Variants in PCYT1B observed in about 807,000 individuals in gnomAD.
The protein encoded by PCYT1B is phosphate cytidylyltransferase 1B, choline, also known as choline-phosphate cytidylyltransferase B.
In PCYT1B, 10 loss-of-function variants were observed where a neutral mutation model predicts 26.4. The observed-to-expected ratio is 0.38, with a 90% confidence interval of 0.23 to 0.64. PCYT1B has a LOEUF of 0.64. PCYT1B is among the 30% of genes least tolerant of loss of function. The pLI, the probability that PCYT1B is intolerant of heterozygous loss-of-function variation, is 0.56. For synonymous variants in PCYT1B, 131 were observed against 108.4 expected (o/e 1.21, Z -1.29); for missense variants, 161 against 292.7 (o/e 0.55, Z 3.28).
At chrX:24,638,650 TC>T (rs1229426991) in intron 1 of PCYT1B, among the ~76,000 whole-genome samples, 1 of 111,547 alleles carries the variant, frequency 9.0e-6, no homozygotes, top group Non-Finnish European at 1.9e-5. Flanking sequence ...TGCATTTATT[TC>T]CCTAACAGTC....
Position 24,563,512 on chromosome X carries a change from G to A in PCYT1B, c.898-1007C>T, listed in dbSNP as rs375807714. 4.6e-4 allele frequency among the ~76,000 whole-genome samples: 51 copies of A among 111,848 alleles called. No individual in the cohort carries two copies. The South Asian group carries it at 0.018, about 40-fold the overall frequency. On this transcript the variant is annotated intron_variant, in intron 7 of 7. Transcript: ENST00000379144. ...TAGATGGGGAGGAGCTGAGGGAGGCGGTTGGGAAGAGGTTGCCAGAGAAGG... is the reference window on the plus strand; with the variant it reads ...TAGATGGGGAGGAGCTGAGGGAGGCAGTTGGGAAGAGGTTGCCAGAGAAGG...
rs1923248430 is a variant in PCYT1B, at chrX:24,558,543, A to G, written c.*3750T>C. 1 of 108,269 alleles carries G rather than the reference A, an allele frequency of 9.2e-6. No homozygotes were observed. The highest frequency in any genetic ancestry group is 3.4e-5 in the African/African-American group (1 of 29,624). The allele number at this position is 108,269 out of a possible 1,213,427, so 8.9% of individuals were successfully genotyped here. Reference sequence around the variant, plus strand: ...ACCGTCTCGCATCTCTCCCTGGGGTATGACTAGATGCTAAAATAAGTACTG... The same window carrying G: ...ACCGTCTCGCATCTCTCCCTGGGGTGTGACTAGATGCTAAAATAAGTACTG... On this transcript the variant is annotated 3_prime_UTR_variant, in exon 8 of 8. Transcript: ENST00000379144.
chrX:24,594,665 C>G (rs940805642), intron 3 of PCYT1B, among the ~76,000 whole-genome samples: 1 of 112,081 alleles, frequency 8.9e-6, no homozygotes, highest in African/African-American at 3.2e-5. Flanking sequence ...AACATGCTGA[C>G]CAGTTATTGT....
At chrX:24,594,754 T>G (rs1343350483) in intron 3 of PCYT1B, among the ~76,000 whole-genome samples, 1 of 111,841 alleles carries the variant, frequency 8.9e-6, no homozygotes, top group East Asian at 2.8e-4. Flanking sequence ...GATGGAGAGC[T>G]CTGGGCAGCG....
At position 24,589,079 on chromosome X, in the gene PCYT1B, C is replaced by G. The variant is rs61761908; in HGVS notation, c.486+944G>C. ...CTCAATAAATTACAGCCATCATTAT[C>G]ATTATAAGTATCCCCCATAATGCCT... is the stretch of plus-strand genomic sequence containing the variant. On this transcript the variant is annotated intron_variant, in intron 4 of 7. Transcript: ENST00000379144. 4.8e-3 allele frequency among the ~76,000 whole-genome samples: 537 copies of G among 111,243 alleles called. 3 individuals carry two copies. The highest frequency in any genetic ancestry group is 0.017 in the African/African-American group (514 of 30,667).
At chrX:24,599,583 T>C (rs1427974403) in intron 3 of PCYT1B, among the ~76,000 whole-genome samples, 1 of 111,733 alleles carries the variant, frequency 8.9e-6, no homozygotes, top group East Asian at 2.8e-4. Flanking sequence ...AACAATTATT[T>C]ATCAAAGTGT....
At chrX:24,652,126 C>T (rs939147305), upstream of PCYT1B, among the ~76,000 whole-genome samples, 5 of 112,313 alleles carry the variant, frequency 4.5e-5, no homozygotes, top group African/African-American at 1.3e-4. Flanking sequence ...AAGAGCATGC[C>T]TTCTGTGAGA....
intron 3 of PCYT1B, among the ~76,000 whole-genome samples, chrX:24,599,859 T>C (rs1300781333): frequency 8.9e-6 from 1 of 112,016 alleles, no homozygotes; most frequent in Non-Finnish European, 1.9e-5. Context: ...TAGATGCCAA[T>C]AGATGCATTA....
chrX:24,607,802 C>A lies in PCYT1B; in HGVS notation c.277G>T (p.Ala93Ser), dbSNP rs1488583653. 8.3e-7 allele frequency: 1 copy of A among 1,203,029 alleles called. No homozygotes were observed. The highest frequency in any genetic ancestry group is 1.1e-6 in the Non-Finnish European group (1 of 888,928). ...GIFDLFHSGH[A>S]RALMQAKTLF... is the part of the protein sequence containing the mutation. ...GTTTTTGCTTGCATAAGGGCTCTTGCATGACCTGAGTGGAAGAGGTCAAAT... is the reference window on the plus strand; with the variant it reads ...GTTTTTGCTTGCATAAGGGCTCTTGAATGACCTGAGTGGAAGAGGTCAAAT... Residue 93 changes from alanine (A) to serine (S), a missense_variant, in exon 3 of 8, where the codon GCA (alanine) becomes TCA (serine). Ala to Ser is a moderately conservative substitution (Grantham distance 99). Transcript: ENST00000379144.
intron 6 of PCYT1B, among the ~76,000 whole-genome samples, chrX:24,575,882 G>T (rs867894952): frequency 8.9e-6 from 1 of 112,567 alleles, no homozygotes; most frequent in Non-Finnish European, 1.9e-5. Context: ...TGGTGGTGAT[G>T]AAAGCTTTTG....
intron 4 of PCYT1B, 76 bp from the exon 5 acceptor site, chrX:24,587,395 G>T: frequency 1.5e-6 from 1 of 653,371 alleles, no homozygotes; most frequent in South Asian, 2.3e-5. Context: ...GGGGAATGGT[G>T]ACTTCATAAT....
chrX:24,650,193 A>G (rs1359507627), upstream of PCYT1B: 1 of 112,035 alleles, frequency 8.9e-6, no homozygotes, highest in Non-Finnish European at 1.9e-5. Flanking sequence ...TATCAAGACA[A>G]TTAGCTAAGA....
At chrX:24,656,551 CTTTTTTTT>C (rs1179469896) in intron 1 of PCYT1B, among the ~76,000 whole-genome samples, 106 of 56,632 alleles carry the variant, frequency 1.9e-3, no homozygotes, top group Non-Finnish European at 2.5e-3. Context: ...TCTTTTTTTC[CTTTTTTTT>C]TTTTTTTTTT....
At position 24,587,230 on chromosome X, in the gene PCYT1B, G is replaced by T; in HGVS notation, c.565+11C>A. 8.7e-7 allele frequency: 1 copy of T among 1,148,226 alleles called. No homozygotes were observed. The highest frequency in any genetic ancestry group is 1.8e-5 in the African/African-American group (1 of 56,518). The allele number at this position is 1,148,226 out of a possible 1,213,427, so 94.6% of individuals were successfully genotyped here. On this transcript the variant is annotated intron_variant, in intron 5 of 7. Transcript: ENST00000379144. ...ATGTGGTTGACAGGTGAGCACAGGGGAATGCCTCACCTGCTTCCTTTATGT... is the reference window on the plus strand; with the variant it reads ...ATGTGGTTGACAGGTGAGCACAGGGTAATGCCTCACCTGCTTCCTTTATGT...
intron 4 of PCYT1B, among the ~76,000 whole-genome samples, chrX:24,587,879 T>C (rs754990271): frequency 8.9e-6 from 1 of 112,774 alleles, no homozygotes; most frequent in Non-Finnish European, 1.9e-5. Context: ...GCTTAAAGAC[T>C]GGAGTGGGCC....
chrX:24,573,237 C>T (rs953403376), intron 7 of PCYT1B, among the ~76,000 whole-genome samples: 1 of 109,970 alleles, frequency 9.1e-6, no homozygotes, highest in Non-Finnish European at 1.9e-5. Context: ...GATCTGGGCT[C>T]ACTGCAACCT....
chrX:24,634,824 G>A, intron 1 of PCYT1B, among the ~76,000 whole-genome samples: 1 of 111,852 alleles, frequency 8.9e-6, no homozygotes. Flanking sequence ...GCAAACACAA[G>A]TGAACAACAA....
intron 1 of PCYT1B, among the ~76,000 whole-genome samples, chrX:24,669,298 C>A (rs752399028): frequency 6.4e-5 from 7 of 110,209 alleles, no homozygotes; most frequent in Admixed American, 1.9e-4. Context: ...GGGCAGATCA[C>A]GTGAGGTCAG....
chrX:24,612,198 A>G (rs1328224979), intron 2 of PCYT1B, among the ~76,000 whole-genome samples: 1 of 112,394 alleles, frequency 8.9e-6, no homozygotes, highest in Non-Finnish European at 1.9e-5. Context: ...TACAGTCACA[A>G]GGAAATAAAT....
Sources: allele counts gnomAD v4.1 joint callset (sites outside exome capture counted in the v4.1 genomes callset), GRCh38; gene constraint gnomAD v4.1.1; transcripts MANE v1.5; gene names NCBI Gene and HGNC (gene_info 2026-07-23, HGNC 2026-07-21).